The following PCSK2 variants were observed in gnomAD, a reference collection of about 807,000 sequenced individuals.
PCSK2 encodes neuroendocrine convertase 2.
Under a neutral mutation model 69.7 loss-of-function variants are expected in PCSK2, and 14 were observed. The observed-to-expected ratio is 0.20, with a 90% CI of 0.13 to 0.31. The LOEUF is 0.31. Among genes scored for constraint, PCSK2 ranks in the 10% least tolerant of loss-of-function variants. The probability of loss-of-function intolerance (pLI) is 1.00; values close to 1 mark genes in which losing one functional copy is unlikely to be tolerated. For synonymous variants in PCSK2, 307 were observed against 320.7 expected (o/e 0.96, Z 0.46); for missense variants, 544 against 842.5 (o/e 0.65, Z 4.39).
chr20:17,273,033 G>A (rs1401931780), intron 2 of PCSK2, among the ~76,000 whole-genome samples: 12 of 152,170 alleles, frequency 7.9e-5, no homozygotes, highest in East Asian at 1.9e-4. Context: ...TGGATGTTTC[G>A]TCATGAAATT....
intron 2 of PCSK2, among the ~76,000 whole-genome samples, chr20:17,292,094 G>A (rs559240991): frequency 1.3e-5 from 2 of 152,262 alleles, no homozygotes; most frequent in South Asian, 4.1e-4. Context: ...TAGGAAGGTC[G>A]AATACAGCGC....
In PCSK2 at chr20:17,456,511, C is replaced by A. The variant is rs192907266; in HGVS notation, c.1202+63C>A. ...GGGTGGACTAACACGTGTCTCTCTG[C>A]CCACATGCCAGGTGTCCATGGAGGG... On this transcript the variant is annotated intron_variant, in intron 10 of 11. Coordinates refer to ENST00000262545, the MANE Select transcript of PCSK2 (RefSeq NM_002594.5). The A allele has an allele frequency of 1.2e-4, 101 of 870,894 alleles. No individual in the cohort carries two copies. In the Admixed American group the frequency reaches 1.2e-3, roughly 10 times the overall value. The allele number at this position is 870,894 out of a possible 1,614,324, so 53.9% of individuals were successfully genotyped here.
At chr20:17,443,353 G>A (rs1368709585) in intron 8 of PCSK2, among the ~76,000 whole-genome samples, 2 of 152,206 alleles carry the variant, frequency 1.3e-5, no homozygotes, top group East Asian at 1.9e-4. Context: ...GCAGGAAAGT[G>A]ACGTCCCTAC....
chr20:17,479,682 C>T (rs1253267029), intron 11 of PCSK2, among the ~76,000 whole-genome samples: 1 of 151,734 alleles, frequency 6.6e-6, no homozygotes, highest in African/African-American at 2.4e-5. Flanking sequence ...GCCTGTAGTC[C>T]CAGCTACTCG....
intron 1 of PCSK2, among the ~76,000 whole-genome samples, chr20:17,256,766 C>T (rs1221180323): frequency 6.6e-6 from 1 of 151,994 alleles, no homozygotes; most frequent in Non-Finnish European, 1.5e-5. Context: ...AATGTTATTC[C>T]TCCCCTAGCT....
chr20:17,244,019 A>G (rs1986683315), intron 1 of PCSK2, among the ~76,000 whole-genome samples: 1 of 152,176 alleles, frequency 6.6e-6, no homozygotes, highest in African/African-American at 2.4e-5. Context: ...GATGTCTGTA[A>G]ATTAGAAAAT....
intron 10 of PCSK2, among the ~76,000 whole-genome samples, chr20:17,459,879 A>G (rs1341957931): frequency 2.6e-5 from 4 of 152,186 alleles, no homozygotes; most frequent in Non-Finnish European, 4.4e-5. Context: ...CTGTGAATCT[A>G]TGACTCTGGG....
chr20:17,292,411 T>C (rs1385522691), intron 2 of PCSK2, among the ~76,000 whole-genome samples: 1 of 152,232 alleles, frequency 6.6e-6, no homozygotes. Flanking sequence ...GGCAAATTAA[T>C]TAACAATATG....
intron 6 of PCSK2, among the ~76,000 whole-genome samples, chr20:17,424,451 A>T (rs2032200994): frequency 6.6e-6 from 1 of 152,144 alleles, no homozygotes. Context: ...AGGGCCTCAA[A>T]TTGTATCTGT....
In PCSK2 at chr20:17,233,995, G is replaced by A. The variant is rs142984130; in HGVS notation, c.177+6513G>A. On this transcript the variant is annotated intron_variant, in intron 1 of 11. Transcript: ENST00000262545. ...CCAAAGCAGCATCACAAGATGAAAGGAGCCCAGGTCCCTGGTCCGTGAATT... is the reference window on the plus strand; with the variant it reads ...CCAAAGCAGCATCACAAGATGAAAGAAGCCCAGGTCCCTGGTCCGTGAATT... Among the ~76,000 whole-genome samples the A allele has an allele frequency of 6.5e-3, 983 of 152,264 alleles. 12 individuals are homozygous for A. The highest frequency in any genetic ancestry group is 0.022 in the African/African-American group (924 of 41,562).
In PCSK2 at chr20:17,311,797, T is replaced by G. The variant is rs924230904; in HGVS notation, c.283-46530T>G. Among the ~76,000 whole-genome samples the G allele has an allele frequency of 7.9e-5, 12 of 152,290 alleles. No homozygotes were observed. The South Asian group carries it at 2.5e-3, about 32-fold the overall frequency. Reference sequence around the variant, plus strand: ...GTTTTACAAGACATCAAACAATGGCTGCAAACTTGATTTTATAGGTTTAGT... The same window carrying G: ...GTTTTACAAGACATCAAACAATGGCGGCAAACTTGATTTTATAGGTTTAGT... On this transcript the variant is annotated intron_variant, in intron 2 of 11. Transcript: ENST00000262545.
intron 2 of PCSK2, among the ~76,000 whole-genome samples, chr20:17,307,340 A>G (rs1224954711): frequency 6.6e-6 from 1 of 152,212 alleles, no homozygotes; most frequent in East Asian, 1.9e-4. Flanking sequence ...GAAGAGTCAA[A>G]TTTGAGCTGA....
chr20:17,336,051 C>T (rs6131940), intron 2 of PCSK2, among the ~76,000 whole-genome samples: 92,037 of 151,686 alleles, frequency 0.61, 29,063 homozygotes, highest in East Asian at 0.97. Context: ...GAGAGGAACA[C>T]AGGTTCTACC....
intron 2 of PCSK2, among the ~76,000 whole-genome samples, chr20:17,314,536 A>C (rs1600482444): frequency 6.6e-6 from 1 of 152,160 alleles, no homozygotes; most frequent in African/African-American, 2.4e-5. Context: ...GATGTGAACG[A>C]TTTGGGAGGG....
In PCSK2 at chr20:17,227,183, T is replaced by C. The variant is rs756452533; in HGVS notation, c.-123T>C. 62 of 651,154 alleles carry C rather than the reference T, an allele frequency of 9.5e-5. No homozygotes were observed. Among genetic ancestry groups the C allele is most frequent in the Middle Eastern group, 8.5e-4 (2 of 2,358 alleles). The allele number at this position is 651,154 out of a possible 1,614,324, so 40.3% of individuals were successfully genotyped here. Reference sequence around the variant, plus strand: ...CTTTCCAAGACCCTGTTCAGTCTCTTTCTCTATACAAAGATTTTTTTAAAA... The same window carrying C: ...CTTTCCAAGACCCTGTTCAGTCTCTCTCTCTATACAAAGATTTTTTTAAAA... On this transcript the variant is annotated 5_prime_UTR_variant, in exon 1 of 12. Transcript: ENST00000262545.
intron 11 of PCSK2, among the ~76,000 whole-genome samples, chr20:17,477,700 A>G: frequency 6.6e-6 from 1 of 152,192 alleles, no homozygotes; most frequent in Non-Finnish European, 1.5e-5. Context: ...ATCTTGCCTT[A>G]ATATTGTTAA....
At chr20:17,259,924 GT>G (rs1379787100) in intron 1 of PCSK2, among the ~76,000 whole-genome samples, 10 of 152,054 alleles carry the variant, frequency 6.6e-5, no homozygotes, top group Admixed American at 3.3e-4. Flanking sequence ...TGATGCAGGT[GT>G]GAATGTAAAG....
Position 17,482,113 on chromosome 20 carries a change from C to T in PCSK2, c.*43C>T, listed in dbSNP as rs1302830111. ...TCCCACCGCCCTCCCTCCCCAGCTC[C>T]GCCTCTGTCCTCGCTCCACGTTTCA... is the stretch of plus-strand genomic sequence containing the variant. On this transcript the variant is annotated 3_prime_UTR_variant, in exon 12 of 12. Transcript: ENST00000262545. 4.6e-6 allele frequency: 7 copies of T among 1,513,286 alleles called. No homozygotes were observed. In the East Asian group the frequency reaches 6.8e-5, roughly 15 times the overall value. 93.7% of individuals were successfully genotyped at this position (1,513,286 alleles called of 1,614,324 possible).
intron 2 of PCSK2, among the ~76,000 whole-genome samples, chr20:17,290,987 C>T (rs1988676666): frequency 6.6e-6 from 1 of 152,018 alleles, no homozygotes; most frequent in South Asian, 2.1e-4. Flanking sequence ...CATGAAGGCT[C>T]CACCCTCATG....
Sources: allele counts gnomAD v4.1 joint callset (sites outside exome capture counted in the v4.1 genomes callset), GRCh38; gene constraint gnomAD v4.1.1; transcripts MANE v1.5; gene names NCBI Gene and HGNC (gene_info 2026-07-23, HGNC 2026-07-21).